TDRP: variants seen among roughly 807,000 people sequenced by gnomAD.
TDRP encodes testis development-related protein.
A neutral mutation model predicts 10.5 loss-of-function variants in TDRP; 12 were observed. The ratio of observed to expected loss-of-function variants is 1.15; its 90% confidence interval spans 0.73 to 1.86. The LOEUF (loss-of-function observed/expected upper bound fraction) is 1.86, where lower values mean the gene tolerates loss of function less well. Among genes scored for constraint, TDRP ranks in the 40% most tolerant of loss-of-function variants. The pLI is 0.00. For synonymous variants in TDRP, 139 were observed against 95.4 expected (o/e 1.46, Z -2.67); for missense variants, 353 against 229.2 (o/e 1.54, Z -3.49).
At chr8:509,213 C>T (rs938489183) in intron 1 of TDRP, among the ~76,000 whole-genome samples, 2 of 152,156 alleles carry the variant, frequency 1.3e-5, no homozygotes, top group African/African-American at 4.8e-5. Context: ...GGTGGATCTA[C>T]CATTCTGGGA....
intron 1 of TDRP, among the ~76,000 whole-genome samples, chr8:504,092 A>G (rs1801386555): frequency 6.6e-6 from 1 of 152,186 alleles, no homozygotes; most frequent in Non-Finnish European, 1.5e-5. Context: ...CACGGAATCC[A>G]GAGCCACGTG....
At chr8:506,712 A>G (rs185664163) in intron 1 of TDRP, among the ~76,000 whole-genome samples, 1 of 152,328 alleles carries the variant, frequency 6.6e-6, no homozygotes, top group Admixed American at 6.5e-5. Context: ...CCCCATCCCC[A>G]GCTCCAGAGT....
chr8:519,510 T>C (rs1041513517), intron 1 of TDRP, among the ~76,000 whole-genome samples: 1 of 152,110 alleles, frequency 6.6e-6, no homozygotes, highest in Admixed American at 6.5e-5. Context: ...TGCAAACTGT[T>C]GTACAACAGA....
chr8:497,388 T>A (rs1160240075), intron 1 of TDRP, among the ~76,000 whole-genome samples: 1 of 152,218 alleles, frequency 6.6e-6, no homozygotes, highest in Admixed American at 6.5e-5. Context: ...GCCCAAGAGA[T>A]ATGTGGAACC....
chr8:491,669 A>T lies in TDRP; in HGVS notation c.*730T>A, dbSNP rs761794846. On this transcript the variant is annotated 3_prime_UTR_variant, in exon 3 of 3. Coordinates refer to ENST00000324079, the MANE Select transcript of TDRP (RefSeq NM_001384899.1). ...ACTAAAATTGATCCATACTTCTTTA[A>T]TCTGTAAACAAAAAAGAGAGCAAAT... 4.4e-5 allele frequency: 67 copies of T among 1,516,802 alleles called. No homozygotes were observed. The South Asian group carries it at 7.8e-4, about 18-fold the overall frequency. The allele number at this position is 1,516,802 out of a possible 1,614,324, so 94.0% of individuals were successfully genotyped here.
intron 1 of TDRP, among the ~76,000 whole-genome samples, chr8:513,183 A>G (rs1801664016): frequency 6.6e-6 from 1 of 152,018 alleles, no homozygotes; most frequent in African/African-American, 2.4e-5. Flanking sequence ...ACTGATACCA[A>G]AACTAGACAA....
At chr8:521,396 AAGAG>A (rs35450526) in intron 1 of TDRP, among the ~76,000 whole-genome samples, 40 of 151,058 alleles carry the variant, frequency 2.6e-4, no homozygotes, top group African/African-American at 9.2e-4. Flanking sequence ...CAGCCTGGGC[AAGAG>A]AGAGAGATGC....
upstream of TDRP, chr8:544,920 TC>T: frequency 3.8e-6 from 1 of 261,568 alleles, no homozygotes; most frequent in Non-Finnish European, 5.7e-6. Flanking sequence ...GCCCGCCCCC[TC>T]CCCACCAGGC....
chr8:520,595 T>C (rs1584872010), intron 1 of TDRP, among the ~76,000 whole-genome samples: 1 of 152,260 alleles, frequency 6.6e-6, no homozygotes, highest in East Asian at 1.9e-4. Context: ...CCCCGCATCC[T>C]TGGTTACACT....
At chr8:507,687 A>T (rs1801503662) in intron 1 of TDRP, among the ~76,000 whole-genome samples, 1 of 152,282 alleles carries the variant, frequency 6.6e-6, no homozygotes, top group Non-Finnish European at 1.5e-5. Flanking sequence ...CTCTAAAATA[A>T]TCCAGCCAAT....
At chr8:497,081 C>T (rs556869493) in intron 1 of TDRP, among the ~76,000 whole-genome samples, 33 of 152,030 alleles carry the variant, frequency 2.2e-4, no homozygotes, top group African/African-American at 6.5e-4. Context: ...AGAATTGGTA[C>T]GAGAGGAGTG....
At chr8:542,634 G>A (rs1186014415) in intron 1 of TDRP, among the ~76,000 whole-genome samples, 1 of 152,134 alleles carries the variant, frequency 6.6e-6, no homozygotes, top group African/African-American at 2.4e-5. Context: ...GAAGGCCGAG[G>A]AGGGCAGATC....
intron 1 of TDRP, among the ~76,000 whole-genome samples, chr8:518,611 T>A (rs1011548140): frequency 7.2e-6 from 1 of 138,698 alleles, no homozygotes; most frequent in Non-Finnish European, 1.6e-5. Flanking sequence ...GATCTTTTCT[T>A]CACAGCAAAG....
intron 1 of TDRP, among the ~76,000 whole-genome samples, chr8:519,831 T>A (rs1230290220): frequency 6.6e-6 from 1 of 152,222 alleles, no homozygotes; most frequent in African/African-American, 2.4e-5. Flanking sequence ...ATGGCTCATC[T>A]TGAATTATTG....
chr8:521,738 T>C (rs1408314978), intron 1 of TDRP, among the ~76,000 whole-genome samples: 1 of 152,192 alleles, frequency 6.6e-6, no homozygotes, highest in African/African-American at 2.4e-5. Flanking sequence ...TTTGAGATTC[T>C]ATATGAACTT....
chr8:524,374 C>T (rs1294340069), intron 1 of TDRP, among the ~76,000 whole-genome samples: 1 of 152,186 alleles, frequency 6.6e-6, no homozygotes, highest in Non-Finnish European at 1.5e-5. Flanking sequence ...ATTACTAACT[C>T]TTCAATGCCC....
intron 1 of TDRP, among the ~76,000 whole-genome samples, chr8:540,450 T>A (rs548786664): frequency 6.6e-6 from 1 of 152,198 alleles, no homozygotes; most frequent in Non-Finnish European, 1.5e-5. Flanking sequence ...CTTAACAATG[T>A]TTCCCATTAG....
At chr8:500,976 G>A (rs1004845404) in intron 1 of TDRP, among the ~76,000 whole-genome samples, 2 of 152,164 alleles carry the variant, frequency 1.3e-5, no homozygotes, top group Non-Finnish European at 2.9e-5. Flanking sequence ...GGAGGCCAAG[G>A]TGGGTGGATC....
upstream of TDRP, chr8:544,984 C>G: frequency 3.1e-6 from 1 of 323,440 alleles, no homozygotes. Context: ...TCCCCAGAAC[C>G]AGGCCCGCTC....
Sources: allele counts gnomAD v4.1 joint callset (sites outside exome capture counted in the v4.1 genomes callset), GRCh38; gene constraint gnomAD v4.1.1; transcripts MANE v1.5; gene names NCBI Gene and HGNC (gene_info 2026-07-23, HGNC 2026-07-21).